CTDSPL2: variants seen among roughly 807,000 people sequenced by gnomAD.
CTDSPL2 encodes CTD small phosphatase-like protein 2.
In CTDSPL2, 5 loss-of-function variants were observed where a neutral mutation model predicts 60.0. The ratio of observed to expected loss-of-function variants is 0.08; its 90% CI spans 0.04 to 0.18. The LOEUF is 0.18. Ranked by LOEUF, CTDSPL2 falls within the 10% of genes least tolerant of loss-of-function variation. The probability of loss-of-function intolerance (pLI) is 1.00; values close to 1 mark genes in which losing one functional copy is unlikely to be tolerated. For missense variants in CTDSPL2, 370 were observed against 548.8 expected, an observed-to-expected ratio of 0.67 and a Z score of 3.26; for synonymous variants, 186 against 189.3, an observed-to-expected ratio of 0.98 and a Z score of 0.14.
rs1385274861 is a variant in CTDSPL2, at chr15:44,484,198, TG to T, written c.187-25del. 10 of 1,567,648 alleles carry T rather than the reference TG, an allele frequency of 6.4e-6. No homozygotes were observed. In the African/African-American group the frequency reaches 1.2e-4, roughly 19 times the overall value. On this transcript the variant is annotated intron_variant, in intron 2 of 12. Coordinates refer to ENST00000260327, the MANE Select transcript of CTDSPL2 (RefSeq NM_016396.3). ...TAAGGCAGAATGATTGTGCTTAGTG[TG>T]TTTTTTTTTCTCTTATATCTTAAGG...
At chr15:44,471,513 C>T (rs2080809232) in intron 2 of CTDSPL2, among the ~76,000 whole-genome samples, 1 of 152,124 alleles carries the variant, frequency 6.6e-6, no homozygotes, top group African/African-American at 2.4e-5. Flanking sequence ...TCACCATCAT[C>T]AAGGCCATCA....
chr15:44,473,415 C>T (rs1039845909), intron 2 of CTDSPL2, among the ~76,000 whole-genome samples: 2 of 152,188 alleles, frequency 1.3e-5, no homozygotes, highest in African/African-American at 4.8e-5. Context: ...CCTGCCTCAG[C>T]CTCCCTAGTA....
chr15:44,462,705 T>C (rs1044197144), intron 2 of CTDSPL2, among the ~76,000 whole-genome samples: 16 of 134,608 alleles, frequency 1.2e-4, no homozygotes, highest in African/African-American at 4.5e-4. Context: ...CAGGACTTTT[T>C]TTTTTTTTTT....
intron 1 of CTDSPL2, among the ~76,000 whole-genome samples, chr15:44,453,150 AT>A (rs1258962107): frequency 6.6e-6 from 1 of 151,914 alleles, no homozygotes; most frequent in African/African-American, 2.4e-5. Flanking sequence ...TTCTAGCCTA[AT>A]TGCCTGCTTA....
chr15:44,497,314 A>G (rs992425539), intron 7 of CTDSPL2, among the ~76,000 whole-genome samples, 176 bp downstream of exon 7: 24 of 152,056 alleles, frequency 1.6e-4, no homozygotes, highest in African/African-American at 5.6e-4. Flanking sequence ...TCTTATTCTT[A>G]TTTTTACATA....
intron 1 of CTDSPL2, among the ~76,000 whole-genome samples, chr15:44,447,005 A>G (rs774896612): frequency 7.2e-5 from 11 of 152,202 alleles, no homozygotes; most frequent in Middle Eastern, 3.4e-3. Flanking sequence ...CACTGCACCC[A>G]GCCTGGTAAC....
rs1359297964 is a variant in CTDSPL2, at chr15:44,528,988, A to G, written c.*4814A>G. The G allele has an allele frequency of 6.6e-6, 1 of 152,154 alleles. No individual in the cohort carries two copies. The highest frequency in any genetic ancestry group is 1.5e-5 in the Non-Finnish European group (1 of 68,020). The allele number at this position is 152,154 out of a possible 1,614,324, so 9.4% of individuals were successfully genotyped here. On this transcript the variant is annotated 3_prime_UTR_variant, in exon 13 of 13. Transcript: ENST00000260327. Reference sequence around the variant, plus strand: ...TTTCTCATCTTCAAATGCCCTGATCACCCTACCTCACAGGGTTGTTGTGGG... The same window carrying G: ...TTTCTCATCTTCAAATGCCCTGATCGCCCTACCTCACAGGGTTGTTGTGGG...
Position 44,508,669 on chromosome 15 carries a change from T to C in CTDSPL2, c.970-5929T>C, listed in dbSNP as rs1276495152. On this transcript the variant is annotated intron_variant, in intron 8 of 12. Transcript: ENST00000260327. Reference sequence around the variant, plus strand: ...CGGGCGCTGTGGCTAGCCCCTGTAATCCCAGCACTTTGGGAGGCTGAGGCG... The same window carrying C: ...CGGGCGCTGTGGCTAGCCCCTGTAACCCCAGCACTTTGGGAGGCTGAGGCG... 2.0e-5 allele frequency among the ~76,000 whole-genome samples: 3 copies of C among 152,136 alleles called. No individual in the cohort carries two copies. In the East Asian group the frequency reaches 5.8e-4, roughly 29 times the overall value.
intron 1 of CTDSPL2, chr15:44,448,193 T>C (rs2080258341): frequency 7.0e-6 from 2 of 284,436 alleles, no homozygotes; most frequent in African/African-American, 2.2e-5. Context: ...GGAGCAGCTG[T>C]GCACTTGAGG....
In CTDSPL2 at chr15:44,528,044, T is replaced by C. The variant is rs1365200484; in HGVS notation, c.*3870T>C. The C allele has an allele frequency of 2.0e-5, 3 of 152,204 alleles. No homozygotes were observed. The highest frequency in any genetic ancestry group is 4.4e-5 in the Non-Finnish European group (3 of 68,034). 9.4% of individuals were successfully genotyped at this position (152,204 alleles called of 1,614,324 possible). ...GGAATCCAAGTCTCACTAACTAGGG[T>C]ACATTTTTATAAAATGTTTCTCTGT... On this transcript the variant is annotated 3_prime_UTR_variant, in exon 13 of 13. Transcript: ENST00000260327.
At chr15:44,431,968 C>G (rs2079869695) in intron 1 of CTDSPL2, among the ~76,000 whole-genome samples, 1 of 151,966 alleles carries the variant, frequency 6.6e-6, no homozygotes, top group South Asian at 2.1e-4. Flanking sequence ...AAGTGATCCA[C>G]CCGCCTCAGC....
At chr15:44,479,235 T>C (rs1203038771) in intron 2 of CTDSPL2, among the ~76,000 whole-genome samples, 2 of 151,940 alleles carry the variant, frequency 1.3e-5, no homozygotes, top group Non-Finnish European at 2.9e-5. Flanking sequence ...AAGAACAAAA[T>C]TGTTCATTTT....
intron 1 of CTDSPL2, among the ~76,000 whole-genome samples, chr15:44,446,874 C>T (rs1056516290): frequency 4.0e-5 from 6 of 151,164 alleles, no homozygotes; most frequent in African/African-American, 7.3e-5. Flanking sequence ...CCTGCCTCAG[C>T]CTCCCAAGTT....
intron 1 of CTDSPL2, among the ~76,000 whole-genome samples, chr15:44,446,085 C>G (rs1318635495): frequency 6.6e-6 from 1 of 151,856 alleles, no homozygotes; most frequent in Non-Finnish European, 1.5e-5. Flanking sequence ...ACCACCACGC[C>G]TGGTTAATTT....
intron 1 of CTDSPL2, among the ~76,000 whole-genome samples, chr15:44,431,927 T>G (rs2079868899): frequency 6.6e-6 from 1 of 151,862 alleles, no homozygotes; most frequent in African/African-American, 2.4e-5. Context: ...TTTCACCATG[T>G]TGGTCAGGCT....
intron 2 of CTDSPL2, among the ~76,000 whole-genome samples, chr15:44,483,275 AAG>A: frequency 2.0e-5 from 3 of 151,800 alleles, no homozygotes; most frequent in Non-Finnish European, 4.4e-5. Context: ...AAAAAAAAAA[AAG>A]AAAAAGAAAA....
At chr15:44,495,051 A>T (rs1222402826) in intron 5 of CTDSPL2, among the ~76,000 whole-genome samples, 1 of 152,136 alleles carries the variant, frequency 6.6e-6, no homozygotes, top group Non-Finnish European at 1.5e-5. Flanking sequence ...GGCTCACTGC[A>T]ACCTCTGCTT....
At chr15:44,441,706 C>T (rs1273676636) in intron 1 of CTDSPL2, among the ~76,000 whole-genome samples, 5 of 152,100 alleles carry the variant, frequency 3.3e-5, no homozygotes, top group African/African-American at 1.2e-4. Context: ...GTCCTCAGCT[C>T]TCGGATGGGT....
intron 1 of CTDSPL2, among the ~76,000 whole-genome samples, chr15:44,452,465 A>C (rs1485498456): frequency 2.0e-5 from 3 of 152,110 alleles, no homozygotes; most frequent in African/African-American, 4.8e-5. Flanking sequence ...CCAGTTTGGG[A>C]CTAGAAACAG....
Sources: allele counts gnomAD v4.1 joint callset (sites outside exome capture counted in the v4.1 genomes callset), GRCh38; gene constraint gnomAD v4.1.1; transcripts MANE v1.5; gene names NCBI Gene and HGNC (gene_info 2026-07-23, HGNC 2026-07-21).